SPRING1: variants seen among roughly 807,000 people sequenced by gnomAD.
SPRING1 encodes the protein SREBF pathway regulator in golgi 1.
Under a neutral mutation model 24.7 loss-of-function variants are expected in SPRING1, and 14 were observed. The observed-to-expected ratio is 0.57, with a 90% CI of 0.37 to 0.88. The LOEUF (loss-of-function observed/expected upper bound fraction) is 0.88, where lower values mean the gene tolerates loss of function less well. SPRING1 is among the 40% of genes least tolerant of loss of function. The pLI, the probability that SPRING1 is intolerant of heterozygous loss-of-function variation, is 0.00. For missense variants in SPRING1, 255 were observed against 268.4 expected (o/e 0.95, Z 0.35); for synonymous variants, 93 against 106.1 (o/e 0.88, Z 0.76).
Position 116,710,317 on chromosome 12 carries a change from C to A in SPRING1, c.*7493G>T, listed in dbSNP as rs1869818969. 2 of 152,186 alleles carry A rather than the reference C, an allele frequency of 1.3e-5. No individual in the cohort carries two copies. The highest frequency in any genetic ancestry group is 4.1e-4 in the South Asian group (2 of 4,832). 9.4% of individuals were successfully genotyped at this position (152,186 alleles called of 1,614,324 possible). On this transcript the variant is annotated 3_prime_UTR_variant, in exon 5 of 5. Transcript: ENST00000261318. Reference sequence around the variant, plus strand: ...TAGGGGCTGGGAATCTAATTTGGCACAATTTAATTTCTTTGTAAGTTCATA... The same window carrying A: ...TAGGGGCTGGGAATCTAATTTGGCAAAATTTAATTTCTTTGTAAGTTCATA...
At chr12:116,737,543 GGAAGGTAA>G (rs75005395) in intron 1 of SPRING1, among the ~76,000 whole-genome samples, 103,987 of 127,462 alleles carry the variant, frequency 0.82, 42,777 homozygotes, top group East Asian at 0.96. Context: ...AGGAAGGTGA[GGAAGGTAA>G]GGAAGGAAGG....
Position 116,719,299 on chromosome 12 carries a change from C to T in SPRING1, c.534+464G>A, listed in dbSNP as rs189447544. Reference sequence around the variant, plus strand: ...GAGCCTGACAGCCTACAGATTTATTCGTGTATTTTTAAACATTCACCTGCC... The same window carrying T: ...GAGCCTGACAGCCTACAGATTTATTTGTGTATTTTTAAACATTCACCTGCC... On this transcript the variant is annotated intron_variant, in intron 4 of 4. Transcript: ENST00000261318. Among the ~76,000 whole-genome samples the T allele has an allele frequency of 5.9e-3, 891 of 151,132 alleles. 5 individuals carry two copies. Among genetic ancestry groups the T allele is most frequent in the South Asian group, 0.024 (108 of 4,586 alleles).
At chr12:116,727,437 G>A (rs577323987) in intron 1 of SPRING1, among the ~76,000 whole-genome samples, 1 of 152,312 alleles carries the variant, frequency 6.6e-6, no homozygotes, top group South Asian at 2.1e-4. Context: ...GCGTTGCTTT[G>A]TGTCTCACTT....
rs1045397779 is a variant in SPRING1 at position 116,728,841 on chromosome 12, C to T, written c.112-5618G>A. On this transcript the variant is annotated intron_variant, in intron 1 of 4. Coordinates refer to ENST00000261318, the MANE Select transcript of SPRING1 (RefSeq NM_024738.4). The surrounding 1 kb of genome is among the most constrained non-coding windows in gnomAD (Gnocchi z 4.2). ...GCTGAGCAGGGACGGCCAAGTCAGA[C>T]GCATGCAGGAGCGCCTCTGCCAGAG... is the stretch of plus-strand genomic sequence containing the variant. Among the ~76,000 whole-genome samples the T allele has an allele frequency of 2.0e-5, 3 of 152,178 alleles. No homozygotes were observed. The highest frequency in any genetic ancestry group is 4.8e-5 in the African/African-American group (2 of 41,438).
intron 1 of SPRING1, among the ~76,000 whole-genome samples, chr12:116,726,822 C>T (rs114555540): frequency 2.6e-5 from 4 of 152,224 alleles, no homozygotes; most frequent in East Asian, 3.8e-4. Flanking sequence ...ATTACTCCCA[C>T]GCTATCCTGT....
chr12:116,713,034 G>C lies in SPRING1; in HGVS notation c.*4776C>G, dbSNP rs1194771201. On this transcript the variant is annotated 3_prime_UTR_variant, in exon 5 of 5. Transcript: ENST00000261318. ...TCTAACGGGGAGATATGACCCCAGAGCAGGGCTTCCCTCCCTCCACCCGGC... is the reference window on the plus strand; with the variant it reads ...TCTAACGGGGAGATATGACCCCAGACCAGGGCTTCCCTCCCTCCACCCGGC... 3 of 152,308 alleles carry C rather than the reference G, an allele frequency of 2.0e-5. No individual in the cohort carries two copies. Among genetic ancestry groups the C allele is most frequent in the Admixed American group, 2.0e-4 (3 of 15,278 alleles). The allele number at this position is 152,308 out of a possible 1,614,324, so 9.4% of individuals were successfully genotyped here. A position where few individuals can be genotyped will look rare whatever the true frequency, so the allele number is the denominator to read the frequency against.
intron 2 of SPRING1, among the ~76,000 whole-genome samples, chr12:116,721,635 T>C (rs1182479247): frequency 6.6e-6 from 1 of 152,204 alleles, no homozygotes; most frequent in Non-Finnish European, 1.5e-5. Context: ...GAGAGGATGA[T>C]TCTAATGCTA....
In SPRING1 at chr12:116,710,391, C is replaced by A. The variant is rs1052070041; in HGVS notation, c.*7419G>T. The A allele has an allele frequency of 6.6e-6, 1 of 152,154 alleles. No individual in the cohort carries two copies. The highest frequency in any genetic ancestry group is 2.4e-5 in the African/African-American group (1 of 41,446). The allele number at this position is 152,154 out of a possible 1,614,324, so 9.4% of individuals were successfully genotyped here. A position where few individuals can be genotyped will look rare whatever the true frequency, so the allele number is the denominator to read the frequency against. ...ATCACAAAAGCAGAGAAAGGAAAAC[C>A]TTTTACTGAGCTGAGCAATGCCTGT... On this transcript the variant is annotated 3_prime_UTR_variant, in exon 5 of 5. Transcript: ENST00000261318.
rs893423111 is a variant in SPRING1 at position 116,711,986 on chromosome 12, TA to T, written c.*5823del. The T allele has an allele frequency of 1.3e-5, 2 of 151,732 alleles. No homozygotes were observed. Among genetic ancestry groups the T allele is most frequent in the Non-Finnish European group, 2.9e-5 (2 of 67,910 alleles). 9.4% of individuals were successfully genotyped at this position (151,732 alleles called of 1,614,324 possible). A position where few individuals can be genotyped will look rare whatever the true frequency, so the allele number is the denominator to read the frequency against. On this transcript the variant is annotated 3_prime_UTR_variant, in exon 5 of 5. Transcript: ENST00000261318. ...AGAAGCTTACCTACCCCACGTTGCA[TA>T]AAAAAAAGTATGAATTTAAAAATTC...
intron 1 of SPRING1, among the ~76,000 whole-genome samples, chr12:116,724,102 T>C (rs1423916651): frequency 1.3e-5 from 2 of 152,180 alleles, no homozygotes; most frequent in Non-Finnish European, 2.9e-5. Flanking sequence ...AATAAAACAA[T>C]GATGGACTTG....
chr12:116,724,213 TGAA>T (rs1270479445), intron 1 of SPRING1, among the ~76,000 whole-genome samples: 1 of 152,206 alleles, frequency 6.6e-6, no homozygotes, highest in Non-Finnish European at 1.5e-5. Flanking sequence ...GAAAATTTGA[TGAA>T]GAAGCTTATA....
intron 1 of SPRING1, 102 bp downstream of exon 1, chr12:116,737,688 G>A: frequency 7.7e-7 from 1 of 1,293,902 alleles, no homozygotes. Flanking sequence ...CAGGGAGGAA[G>A]GAAAAAAGGA....
chr12:116,725,574 A>G (rs1392334621), intron 1 of SPRING1, among the ~76,000 whole-genome samples: 4 of 152,232 alleles, frequency 2.6e-5, no homozygotes, highest in Admixed American at 2.6e-4. Flanking sequence ...AAGATTCTGT[A>G]GAACTTTCTA....
intron 1 of SPRING1, among the ~76,000 whole-genome samples, chr12:116,731,921 G>A (rs1402488137): frequency 7.9e-5 from 12 of 152,122 alleles, no homozygotes; most frequent in Non-Finnish European, 1.3e-4. Context: ...TGTCCTCCAC[G>A]GTCACCACGG....
intron 1 of SPRING1, among the ~76,000 whole-genome samples, chr12:116,733,915 T>G (rs1358090473): frequency 4.6e-5 from 7 of 152,104 alleles, no homozygotes; most frequent in Non-Finnish European, 2.9e-5. Flanking sequence ...CTCACTCTGT[T>G]GCCCAGGCTG....
intron 1 of SPRING1, among the ~76,000 whole-genome samples, chr12:116,726,927 C>T (rs958906877): frequency 3.9e-5 from 6 of 152,214 alleles, no homozygotes; most frequent in African/African-American, 1.4e-4. Flanking sequence ...GAAAGCAATT[C>T]TCCCAGCACT....
In SPRING1 at chr12:116,720,358, A is replaced by G; in HGVS notation, c.358T>C (p.Trp120Arg). 6.2e-7 allele frequency: 1 copy of G among 1,614,254 alleles called. No homozygotes were observed. Among genetic ancestry groups the G allele is most frequent in the East Asian group, 2.2e-5 (1 of 44,884 alleles). ...STKQYCCDGC[W>R]PNGCCSAYEY... ...TAGGCGCTGCAGCAGCCGTTGGGCC[A>G]GCAGCCATCACAGCAGTACTGCTTC... The change falls in exon 3 of 5, where the codon TGG (tryptophan) becomes CGG (arginine). Residue 120 changes from tryptophan to arginine, a missense_variant. Trp to Arg is a moderately radical substitution (Grantham distance 101). Transcript: ENST00000261318. This position sits in a 1 kb window ranked among gnomAD's most constrained non-coding sequence, Gnocchi z 4.0.
intron 1 of SPRING1, among the ~76,000 whole-genome samples, chr12:116,729,641 T>A (rs547121222): frequency 1.5e-3 from 223 of 152,312 alleles, no homozygotes; most frequent in Admixed American, 2.9e-3. Flanking sequence ...TATTCGGACA[T>A]AAAAATGAAG....
chr12:116,721,324 G>T (rs1322361221), intron 2 of SPRING1, among the ~76,000 whole-genome samples: 1 of 152,200 alleles, frequency 6.6e-6, no homozygotes, highest in African/African-American at 2.4e-5. Context: ...CCAGGTGCAC[G>T]TTCAGGCCCA....
Sources: gnomAD v4.1 joint callset for allele counts (sites outside exome capture counted in the v4.1 genomes callset) on GRCh38, gnomAD v4.1.1 for gene constraint, Gnocchi (gnomAD v3.1) non-coding constraint, MANE v1.5 for transcripts, NCBI Gene and HGNC (gene_info 2026-07-23, HGNC 2026-07-21) for gene names.